Variants in FOXP2 observed in about 807,000 individuals in gnomAD.
FOXP2 encodes forkhead box P2.
In FOXP2, 12 loss-of-function variants were observed where a neutral mutation model predicts 115.8. The ratio of observed to expected loss-of-function variants is 0.10; its 90% confidence interval spans 0.07 to 0.17. The LOEUF is 0.17. Ranked by LOEUF, FOXP2 falls within the 10% of genes least tolerant of loss-of-function variation. The pLI, the probability that FOXP2 is intolerant of heterozygous loss-of-function variation, is 1.00. For synonymous variants in FOXP2, 328 were observed against 297.7 expected, an observed-to-expected ratio of 1.10 and a Z score of -1.05; for missense variants, 629 against 843.5, an observed-to-expected ratio of 0.75 and a Z score of 3.15.
At chr7:114,683,732 C>T (rs1298860816) in intron 16 of FOXP2, among the ~76,000 whole-genome samples, 1 of 152,106 alleles carries the variant, frequency 6.6e-6, no homozygotes, top group African/African-American at 2.4e-5. Context: ...AAAGGGGAAA[C>T]ACAGCCTGAG....
At chr7:114,330,950 C>A (rs555874378) in intron 2 of FOXP2, among the ~76,000 whole-genome samples, 1 of 152,248 alleles carries the variant, frequency 6.6e-6, no homozygotes, top group Admixed American at 6.5e-5. Context: ...CTAAATCTAA[C>A]AAAAAATTTA....
intron 3 of FOXP2, among the ~76,000 whole-genome samples, chr7:114,544,724 T>G (rs1320148075): frequency 6.6e-6 from 1 of 152,178 alleles, no homozygotes; most frequent in African/African-American, 2.4e-5. Context: ...CAAACAAACA[T>G]AAAAGACAAA....
chr7:114,244,268 A>G (rs1795223183), intron 1 of FOXP2, among the ~76,000 whole-genome samples: 1 of 152,178 alleles, frequency 6.6e-6, no homozygotes, highest in Admixed American at 6.5e-5. Context: ...AAATGAGCTA[A>G]TCTTGATACA....
chr7:114,496,426 A>T (rs1198366176), intron 2 of FOXP2, among the ~76,000 whole-genome samples: 1 of 152,166 alleles, frequency 6.6e-6, no homozygotes, highest in Non-Finnish European at 1.5e-5. Context: ...TCAAAGTAGA[A>T]ACTAGAATAT....
At chr7:114,572,710 G>A (rs1418301449) in intron 3 of FOXP2, among the ~76,000 whole-genome samples, 4 of 151,730 alleles carry the variant, frequency 2.6e-5, no homozygotes, top group Non-Finnish European at 4.4e-5. Context: ...TGCTAATAGT[G>A]TTTGCTCTTT....
intron 14 of FOXP2, 103 bp from the exon 15 acceptor site, chr7:114,663,347 A>G (rs946209018): frequency 2.5e-6 from 2 of 812,298 alleles, no homozygotes; most frequent in Non-Finnish European, 2.1e-6. Flanking sequence ...AGTATGGACT[A>G]TTAGTGTGAG....
intron 2 of FOXP2, among the ~76,000 whole-genome samples, chr7:114,523,561 A>G (rs1169376191): frequency 6.6e-6 from 1 of 152,064 alleles, no homozygotes; most frequent in Non-Finnish European, 1.5e-5. Flanking sequence ...GATCCTCATC[A>G]TTTCTGAAAG....
At chr7:114,333,169 G>C (rs1289549686) in intron 2 of FOXP2, among the ~76,000 whole-genome samples, 1 of 152,086 alleles carries the variant, frequency 6.6e-6, no homozygotes, top group Admixed American at 6.5e-5. Context: ...TTTGGGGAAA[G>C]AATAATAGTA....
chr7:114,503,095 A>G (rs539524030), intron 2 of FOXP2, among the ~76,000 whole-genome samples: 1 of 151,962 alleles, frequency 6.6e-6, no homozygotes, highest in South Asian at 2.1e-4. Context: ...GCACACAGAA[A>G]AACCATTGTG....
chr7:114,092,959 C>T (rs1799573244), intron 1 of FOXP2, among the ~76,000 whole-genome samples: 1 of 152,114 alleles, frequency 6.6e-6, no homozygotes, highest in Non-Finnish European at 1.5e-5. Context: ...ACCATCATCT[C>T]CTACTTGAAC....
chr7:114,125,135 C>A (rs1332534454), intron 1 of FOXP2, among the ~76,000 whole-genome samples: 1 of 151,894 alleles, frequency 6.6e-6, no homozygotes, highest in Non-Finnish European at 1.5e-5. Context: ...ACTTGTATGC[C>A]CCAGGATTTT....
intron 1 of FOXP2, among the ~76,000 whole-genome samples, chr7:114,139,220 G>GA (rs979300819): frequency 6.6e-6 from 1 of 151,954 alleles, no homozygotes; most frequent in African/African-American, 2.4e-5. Flanking sequence ...TGTTAGAGCG[G>GA]AAAAAAATGA....
intron 3 of FOXP2, among the ~76,000 whole-genome samples, chr7:114,559,931 T>C (rs1309167445): frequency 6.6e-6 from 1 of 152,022 alleles, no homozygotes; most frequent in Admixed American, 6.6e-5. Flanking sequence ...TTTAAAATCT[T>C]ACTTTAGGAA....
At chr7:114,164,413 C>G (rs775810364) in intron 1 of FOXP2, among the ~76,000 whole-genome samples, 1 of 150,806 alleles carries the variant, frequency 6.6e-6, no homozygotes, top group Non-Finnish European at 1.5e-5. Context: ...GGTGCGATCT[C>G]GGCTCACTGC....
chr7:114,176,294 TTC>T (rs1491293888), intron 1 of FOXP2, among the ~76,000 whole-genome samples: 2 of 49,380 alleles, frequency 4.1e-5, no homozygotes, highest in Admixed American at 2.2e-4. Context: ...CTTTCTTTCT[TTC>T]TTTCTCTCTC....
chr7:114,491,547 T>G (rs1345573037), intron 2 of FOXP2, among the ~76,000 whole-genome samples: 1 of 152,040 alleles, frequency 6.6e-6, no homozygotes, highest in Non-Finnish European at 1.5e-5. Context: ...TTTGTTGCCA[T>G]TGCTTTTGGT....
chr7:114,665,348 G>A (rs968567860), intron 16 of FOXP2: 2 of 151,998 alleles, frequency 1.3e-5, no homozygotes, highest in African/African-American at 4.8e-5. Flanking sequence ...AGAATTAAAC[G>A]TCACATACTT....
chr7:114,211,868 T>G (rs1203774561), intron 1 of FOXP2, among the ~76,000 whole-genome samples: 2 of 151,816 alleles, frequency 1.3e-5, no homozygotes, highest in African/African-American at 2.4e-5. Flanking sequence ...AGGTCAGGAG[T>G]TCGAGACCAG....
intron 2 of FOXP2, among the ~76,000 whole-genome samples, chr7:114,457,465 A>G (rs905607298): frequency 2.0e-5 from 3 of 152,190 alleles, no homozygotes; most frequent in African/African-American, 7.2e-5. Context: ...TGTCTCCTGT[A>G]AAAGGAAGTT....
Sources: gnomAD v4.1 joint callset for allele counts (sites outside exome capture counted in the v4.1 genomes callset) on GRCh38, gnomAD v4.1.1 for gene constraint, MANE v1.5 for transcripts, NCBI Gene and HGNC (gene_info 2026-07-23, HGNC 2026-07-21) for gene names.